PDE4D: variants seen among roughly 807,000 people sequenced by gnomAD.
PDE4D encodes the protein phosphodiesterase 4D, also known as 3',5'-cyclic-AMP phosphodiesterase 4D.
Under a neutral mutation model 87.4 loss-of-function variants are expected in PDE4D, and 24 were observed. The observed-to-expected ratio is 0.27, with a 90% CI of 0.20 to 0.39. The LOEUF (loss-of-function observed/expected upper bound fraction) is 0.39, where lower values mean the gene tolerates loss of function less well. PDE4D is among the 10% of genes least tolerant of loss of function. The pLI is 1.00. For missense variants in PDE4D, 714 were observed against 1,041.0 expected, an observed-to-expected ratio of 0.69 and a Z score of 4.32; for synonymous variants, 384 against 383.2, an observed-to-expected ratio of 1.00 and a Z score of -0.02.
intron 1 of PDE4D, among the ~76,000 whole-genome samples, chr5:59,711,615 C>G (rs1200626121): frequency 6.6e-6 from 1 of 152,146 alleles, no homozygotes; most frequent in Non-Finnish European, 1.5e-5. Flanking sequence ...TCATCATTTA[C>G]TACAACCTAA....
intron 1 of PDE4D, among the ~76,000 whole-genome samples, chr5:59,357,190 C>A (rs1582137576): frequency 6.6e-6 from 1 of 152,164 alleles, no homozygotes; most frequent in South Asian, 2.1e-4. Flanking sequence ...AAAAGCACAA[C>A]ACACACACAC....
chr5:60,020,931 G>A (rs1435181165), intron 2 of PDE4D, among the ~76,000 whole-genome samples: 2 of 152,198 alleles, frequency 1.3e-5, no homozygotes, highest in Non-Finnish European at 2.9e-5. Context: ...GAAGGAAGTG[G>A]AAGGTCAGCC....
intron 1 of PDE4D, among the ~76,000 whole-genome samples, chr5:59,836,743 C>G (rs527391416): frequency 6.6e-6 from 1 of 151,786 alleles, no homozygotes; most frequent in East Asian, 1.9e-4. Context: ...AGAGATAGAG[C>G]AAAAGGAGAT....
intron 2 of PDE4D, among the ~76,000 whole-genome samples, chr5:60,134,625 A>T (rs1779874138): frequency 6.6e-6 from 1 of 152,236 alleles, no homozygotes; most frequent in Non-Finnish European, 1.5e-5. Flanking sequence ...CCTGATAGGA[A>T]ATGGCATAGT....
rs1419617029 is a variant in PDE4D at position 60,460,105 on chromosome 5, G to A, written c.-90+27837C>T. 4 of 1,605,132 alleles carry A rather than the reference G, an allele frequency of 2.5e-6. No individual in the cohort carries two copies. The African/African-American group carries it at 5.4e-5, about 21-fold the overall frequency. On this transcript the variant is annotated intron_variant, in intron 1 of 16. Transcript: ENST00000502484. Reference sequence around the variant, plus strand: ...TGCATCAGAATGGTCAGTAAACCAGGTAAAGAAGCTCTCTGGTTCCTCATG... The same window carrying A: ...TGCATCAGAATGGTCAGTAAACCAGATAAAGAAGCTCTCTGGTTCCTCATG...
rs537638196 is a variant in PDE4D at position 60,385,342 on chromosome 5, C to T, written c.-90+102600G>A. 1.1e-4 allele frequency among the ~76,000 whole-genome samples: 17 copies of T among 152,326 alleles called. No individual in the cohort carries two copies. The South Asian group carries it at 2.3e-3, about 20-fold the overall frequency. On this transcript the variant is annotated intron_variant, in intron 1 of 16. Coordinates refer to the PDE4D transcript ENST00000502484. ...GGAACCTCCAAGATATTATACAAAACCTGCTGCAGACTCATCCTCACCAGG... is the reference window on the plus strand; with the variant it reads ...GGAACCTCCAAGATATTATACAAAATCTGCTGCAGACTCATCCTCACCAGG...
intron 2 of PDE4D, among the ~76,000 whole-genome samples, chr5:60,084,465 GA>G (rs1774323607): frequency 6.6e-6 from 1 of 151,888 alleles, no homozygotes; most frequent in African/African-American, 2.4e-5. Context: ...GCCTGTTTGA[GA>G]ATTTGGCAAA....
intron 5 of PDE4D, among the ~76,000 whole-genome samples, chr5:59,072,567 A>G (rs1765025528): frequency 6.6e-6 from 1 of 152,134 alleles, no homozygotes; most frequent in Non-Finnish European, 1.5e-5. Context: ...CTTGTTTTTC[A>G]GCTTCCAAAA....
chr5:59,674,170 A>G (rs906772484), intron 1 of PDE4D, among the ~76,000 whole-genome samples: 7 of 152,192 alleles, frequency 4.6e-5, no homozygotes, highest in Admixed American at 4.6e-4. Flanking sequence ...ATTATTCCTC[A>G]TTGTCAGAAT....
At chr5:59,630,907 T>C (rs1831481921) in intron 1 of PDE4D, among the ~76,000 whole-genome samples, 1 of 152,126 alleles carries the variant, frequency 6.6e-6, no homozygotes, top group African/African-American at 2.4e-5. Context: ...CACTTAATAT[T>C]CCTGACGCTC....
In PDE4D at chr5:59,113,372, C is replaced by T. The variant is rs79177562; in HGVS notation, c.808+67223G>A. Among the ~76,000 whole-genome samples, 830 of 152,224 alleles carry T rather than the reference C, an allele frequency of 5.5e-3. 2 individuals are homozygous for T. The highest frequency in any genetic ancestry group is 0.019 in the African/African-American group (772 of 41,536). ...ATACATCAACATTTGCACATTGATT[C>T]TTCTTCAAAAATCATGTTAAACCTA... On this transcript the variant is annotated intron_variant, in intron 5 of 14. Transcript: ENST00000340635.
intron 5 of PDE4D, among the ~76,000 whole-genome samples, chr5:59,116,370 T>G (rs1773616111): frequency 6.6e-6 from 1 of 152,190 alleles, no homozygotes; most frequent in South Asian, 2.1e-4. Context: ...TTTTGCCTTC[T>G]GACCCTGATT....
chr5:60,235,937 C>A (rs1426277309), intron 1 of PDE4D, among the ~76,000 whole-genome samples: 1 of 151,920 alleles, frequency 6.6e-6, no homozygotes, highest in Non-Finnish European at 1.5e-5. Context: ...CATCCCCACA[C>A]AAATACAGCC....
intron 1 of PDE4D, among the ~76,000 whole-genome samples, chr5:59,264,021 T>G (rs1057204461): frequency 7.2e-5 from 11 of 152,060 alleles, no homozygotes; most frequent in African/African-American, 2.4e-4. Context: ...AGACAAAACA[T>G]ATCAAAAAAT....
At chr5:59,565,187 T>C (rs959603109) in intron 1 of PDE4D, among the ~76,000 whole-genome samples, 1 of 151,894 alleles carries the variant, frequency 6.6e-6, no homozygotes, top group Admixed American at 6.6e-5. Flanking sequence ...AGAAGGAGAA[T>C]GGGACAGGTG....
At chr5:59,870,398 T>A (rs116697633) in intron 1 of PDE4D, among the ~76,000 whole-genome samples, 2 of 152,210 alleles carry the variant, frequency 1.3e-5, no homozygotes, top group Non-Finnish European at 2.9e-5. Flanking sequence ...CAAATGCACA[T>A]GTTCAGTTTT....
intron 2 of PDE4D, among the ~76,000 whole-genome samples, chr5:60,128,263 T>C (rs1377164341): frequency 1.3e-5 from 2 of 152,348 alleles, no homozygotes; most frequent in Middle Eastern, 3.4e-3. Context: ...AAATATAATA[T>C]GGATGCAACA....
intron 1 of PDE4D, among the ~76,000 whole-genome samples, chr5:59,605,583 A>T (rs903921118): frequency 6.6e-6 from 1 of 152,138 alleles, no homozygotes; most frequent in Non-Finnish European, 1.5e-5. Flanking sequence ...TTATCCCAGG[A>T]GTACCAACAT....
intron 2 of PDE4D, among the ~76,000 whole-genome samples, chr5:60,045,422 C>A (rs1769097224): frequency 6.6e-6 from 1 of 152,190 alleles, no homozygotes; most frequent in Admixed American, 6.5e-5. Context: ...GTGTTTTAGA[C>A]ATGAAGTCCT....
Sources: allele counts gnomAD v4.1 joint callset (sites outside exome capture counted in the v4.1 genomes callset), GRCh38; gene constraint gnomAD v4.1.1; transcripts MANE v1.5; gene names NCBI Gene and HGNC (gene_info 2026-07-23, HGNC 2026-07-21).